RPP25L: variants seen among roughly 807,000 people sequenced by gnomAD.
The protein encoded by RPP25L is ribonuclease P protein subunit p25-like protein.
A neutral mutation model predicts 10.1 loss-of-function variants in RPP25L; 5 were observed. That is an observed-to-expected ratio of 0.50 (90% CI 0.26 to 1.04). The LOEUF (loss-of-function observed/expected upper bound fraction) is 1.04, where lower values mean the gene tolerates loss of function less well. Among genes scored for constraint, RPP25L ranks in the 50% least tolerant of loss-of-function variants. RPP25L has a pLI of 0.14. For missense variants in RPP25L, 192 were observed against 217.3 expected (o/e 0.88, Z 0.73); for synonymous variants, 96 against 88.6 (o/e 1.08, Z -0.47).
rs775657215 is a variant in RPP25L at position 34,610,809 on chromosome 9, G to A, written c.488C>T (p.Ser163Leu). 1 of 1,525,002 alleles carries A rather than the reference G, an allele frequency of 6.6e-7. No homozygotes were observed. The highest frequency in any genetic ancestry group is 8.8e-7 in the Non-Finnish European group (1 of 1,136,198). The allele number at this position is 1,525,002 out of a possible 1,614,324, so 94.5% of individuals were successfully genotyped here. A position where few individuals can be genotyped will look rare whatever the true frequency, so the allele number is the denominator to read the frequency against. The change falls in exon 2 of 2, where the codon TCG becomes TTG. Residue 163 changes from serine (S) to leucine (L), a missense_variant. Coordinates refer to ENST00000378959, the MANE Select transcript of RPP25L (RefSeq NM_148178.3). ...ACAGGCTGGCTCAGCAGGTCTTCAC[G>A]ATCGGGTGTCTCGAGCCCTTCTTCG... ...RSRRRARDTR[S>L]
rs1820302903 is a variant in RPP25L at position 34,611,586 on chromosome 9, G to A, written c.-36-254C>T. Among the ~76,000 whole-genome samples, 1 of 152,132 alleles carries A rather than the reference G, an allele frequency of 6.6e-6. No individual in the cohort carries two copies. Among genetic ancestry groups the A allele is most frequent in the East Asian group, 1.9e-4 (1 of 5,194 alleles). ...TCCAATCCTGGAGTCCAAGAGGCAG[G>A]ATCACATTCCCCAAACACTGAGCTC... On this transcript the variant is annotated intron_variant, in intron 1 of 1. Coordinates refer to ENST00000378959, the MANE Select transcript of RPP25L (RefSeq NM_148178.3). The surrounding 1 kb of genome is among the most constrained non-coding windows in gnomAD (Gnocchi z 4.4).
In RPP25L at chr9:34,611,370, C is replaced by T. The variant is rs1564085018; in HGVS notation, c.-36-38G>A. ...ATCAGGTAAGTGCTAAGCAATGTGCCCCAAGTCACTGTCCACCATCCCCTA... is the reference window on the plus strand; with the variant it reads ...ATCAGGTAAGTGCTAAGCAATGTGCTCCAAGTCACTGTCCACCATCCCCTA... On this transcript the variant is annotated intron_variant, in intron 1 of 1. Coordinates refer to ENST00000378959, the MANE Select transcript of RPP25L (RefSeq NM_148178.3). The surrounding 1 kb of genome is among the most constrained non-coding windows in gnomAD (Gnocchi z 4.4). The T allele has an allele frequency of 6.7e-7, 1 of 1,502,848 alleles. No homozygotes were observed. The highest frequency in any genetic ancestry group is 9.0e-7 in the Non-Finnish European group (1 of 1,108,890). 93.1% of individuals were successfully genotyped at this position (1,502,848 alleles called of 1,614,324 possible). A position where few individuals can be genotyped will look rare whatever the true frequency, so the allele number is the denominator to read the frequency against.
chr9:34,611,097 G>T lies in RPP25L; in HGVS notation c.200C>A (p.Ala67Asp). The T allele has an allele frequency of 6.2e-7, 1 of 1,614,122 alleles. No homozygotes were observed. The highest frequency in any genetic ancestry group is 1.1e-5 in the South Asian group (1 of 91,090). The change falls in exon 2 of 2, where the codon GCT becomes GAT. Residue 67 changes from alanine to aspartate, a missense_variant. Transcript: ENST00000378959. The surrounding 1 kb of genome is among the most constrained non-coding windows in gnomAD (Gnocchi z 4.4). Reference sequence around the variant, plus strand: ...CTTGACAATCTCAGCGCAGCTGACAGCCTTTCCTGCAGCCCTGCCAGAACC... The same window carrying T: ...CTTGACAATCTCAGCGCAGCTGACATCCTTTCCTGCAGCCCTGCCAGAACC... Reference protein sequence around the residue: ...FSGSGRAAGKAVSCAEIVKRR... With the variant: ...FSGSGRAAGKDVSCAEIVKRR...
Position 34,610,576 on chromosome 9 carries a change from G to A in RPP25L, c.*229C>T. 2.0e-6 allele frequency: 1 copy of A among 498,750 alleles called. No individual in the cohort carries two copies. Among genetic ancestry groups the A allele is most frequent in the Non-Finnish European group, 3.5e-6 (1 of 285,268 alleles). 30.9% of individuals were successfully genotyped at this position (498,750 alleles called of 1,614,324 possible). On this transcript the variant is annotated 3_prime_UTR_variant, in exon 2 of 2. Coordinates refer to ENST00000378959, the MANE Select transcript of RPP25L (RefSeq NM_148178.3). ...AGTTCAAATGCACTGTAGGTAGAAG[G>A]CAGAGGAAGCCCTTATTTAGCAATG...
chr9:34,611,374 A>T lies in RPP25L; in HGVS notation c.-36-42T>A. The T allele has an allele frequency of 6.7e-7, 1 of 1,481,750 alleles. No individual in the cohort carries two copies. The highest frequency in any genetic ancestry group is 1.4e-5 in the African/African-American group (1 of 72,420). 91.8% of individuals were successfully genotyped at this position (1,481,750 alleles called of 1,614,324 possible). Reference sequence around the variant, plus strand: ...GGTAAGTGCTAAGCAATGTGCCCCAAGTCACTGTCCACCATCCCCTATCTC... The same window carrying T: ...GGTAAGTGCTAAGCAATGTGCCCCATGTCACTGTCCACCATCCCCTATCTC... On this transcript the variant is annotated intron_variant, in intron 1 of 1. Coordinates refer to ENST00000378959, the MANE Select transcript of RPP25L (RefSeq NM_148178.3). The surrounding 1 kb of genome is among the most constrained non-coding windows in gnomAD (Gnocchi z 4.4).
At position 34,610,964 on chromosome 9, in the gene RPP25L, G is replaced by A. The variant is rs1164310004; in HGVS notation, c.333C>T (p.Arg111=). 2.5e-6 allele frequency: 4 copies of A among 1,613,920 alleles called. No individual in the cohort carries two copies. The highest frequency in any genetic ancestry group is 2.5e-6 in the Non-Finnish European group (3 of 1,179,998). The change falls in exon 2 of 2, where the codon CGC becomes CGT. Residue 111 remains arginine, a synonymous_variant. Transcript: ENST00000378959. ...PDTGLDPLTV[R]RHVPAVWVLL... ...GCACCCACACTGCAGGCACATGGCG[G>A]CGCACTGTGAGGGGGTCTAGCCCTG...
Position 34,611,463 on chromosome 9 carries a change from C to G in RPP25L, c.-36-131G>C. ...CAGAAACAGGATCATGTCCCCTTGT[C>G]CTTAGCATCTCGTGACAAGGTCCAT... is the stretch of plus-strand genomic sequence containing the variant. On this transcript the variant is annotated intron_variant, in intron 1 of 1. Transcript: ENST00000378959. The surrounding 1 kb of genome is among the most constrained non-coding windows in gnomAD (Gnocchi z 4.4). 1.4e-6 allele frequency: 1 copy of G among 723,824 alleles called. No homozygotes were observed. Among genetic ancestry groups the G allele is most frequent in the Non-Finnish European group, 2.2e-6 (1 of 446,376 alleles). 44.8% of individuals were successfully genotyped at this position (723,824 alleles called of 1,614,324 possible). A position where few individuals can be genotyped will look rare whatever the true frequency, so the allele number is the denominator to read the frequency against.
In RPP25L at chr9:34,611,260, G is replaced by A. The variant is rs1820298063; in HGVS notation, c.37C>T (p.Pro13Ser). The change falls in exon 2 of 2, where the codon CCA (proline) becomes TCA (serine). Residue 13 changes from proline (P) to serine (S), a missense_variant. Physicochemically the swap from Pro to Ser is moderately conservative, Grantham distance 74. Transcript: ENST00000378959. The surrounding 1 kb of genome is among the most constrained non-coding windows in gnomAD (Gnocchi z 4.4). ...HYRKAGSVEL[P>S]APSPMPQLPP... ...AGCTGGGGCATTGGGGAAGGCGCTGGGAGCTCTACAGAGCCAGCTTTCCGG... is the reference window on the plus strand; with the variant it reads ...AGCTGGGGCATTGGGGAAGGCGCTGAGAGCTCTACAGAGCCAGCTTTCCGG... 12 of 1,613,602 alleles carry A rather than the reference G, an allele frequency of 7.4e-6. No individual in the cohort carries two copies. The highest frequency in any genetic ancestry group is 1.0e-5 in the Non-Finnish European group (12 of 1,179,970).
In RPP25L at chr9:34,610,919, C is replaced by G; in HGVS notation, c.378G>C (p.Leu126=). The G allele has an allele frequency of 6.2e-7, 1 of 1,611,922 alleles. No individual in the cohort carries two copies. The part of the protein sequence containing the change: ...AVWVLLSRDP[L]DPNECGYQPP... ...GTTGGTAACCACACTCATTGGGGTC[C>G]AGGGGGTCCCGGCTGAGCAGCACCC... The change falls in exon 2 of 2, where the codon CTG becomes CTC. Residue 126 remains leucine, a synonymous_variant. Transcript: ENST00000378959.
Position 34,611,368 on chromosome 9 carries a change from G to GC in RPP25L, c.-36-37dup. 6.6e-7 allele frequency: 1 copy of GC among 1,511,098 alleles called. No homozygotes were observed. The highest frequency in any genetic ancestry group is 9.0e-7 in the Non-Finnish European group (1 of 1,115,254). 93.6% of individuals were successfully genotyped at this position (1,511,098 alleles called of 1,614,324 possible). On this transcript the variant is annotated intron_variant, in intron 1 of 1. Transcript: ENST00000378959. The surrounding 1 kb of genome is among the most constrained non-coding windows in gnomAD (Gnocchi z 4.4). ...GCATCAGGTAAGTGCTAAGCAATGT[G>GC]CCCCAAGTCACTGTCCACCATCCCC...
At position 34,610,739 on chromosome 9, in the gene RPP25L, C is replaced by T. The variant is rs191886856; in HGVS notation, c.*66G>A. The T allele has an allele frequency of 1.9e-3, 2,852 of 1,495,308 alleles. 51 individuals are homozygous for T. In the South Asian group the frequency reaches 0.024, roughly 13 times the overall value. The allele number at this position is 1,495,308 out of a possible 1,614,324, so 92.6% of individuals were successfully genotyped here. A position where few individuals can be genotyped will look rare whatever the true frequency, so the allele number is the denominator to read the frequency against. On this transcript the variant is annotated 3_prime_UTR_variant, in exon 2 of 2. Coordinates refer to ENST00000378959, the MANE Select transcript of RPP25L (RefSeq NM_148178.3). ...ATGGGGATGTTGAGCAGTCACAACGCTTCTCAGAAAAGGCACAAGCACCCC... is the reference window on the plus strand; with the variant it reads ...ATGGGGATGTTGAGCAGTCACAACGTTTCTCAGAAAAGGCACAAGCACCCC...
rs1820300849 is a variant in RPP25L at position 34,611,421 on chromosome 9, C to T, written c.-36-89G>A. The T allele has an allele frequency of 9.4e-7, 1 of 1,060,012 alleles. No individual in the cohort carries two copies. The highest frequency in any genetic ancestry group is 2.1e-4 in the Middle Eastern group (1 of 4,742). 65.7% of individuals were successfully genotyped at this position (1,060,012 alleles called of 1,614,324 possible). A position where few individuals can be genotyped will look rare whatever the true frequency, so the allele number is the denominator to read the frequency against. On this transcript the variant is annotated intron_variant, in intron 1 of 1. Transcript: ENST00000378959. The surrounding 1 kb of genome is among the most constrained non-coding windows in gnomAD (Gnocchi z 4.4). ...TCTCCATCCAGGATATGGCCCTGCT[C>T]CCCGTTCCAGACTTCCCAGAAACAG...
Position 34,611,453 on chromosome 9 carries a change from G to T in RPP25L, c.-36-121C>A. On this transcript the variant is annotated intron_variant, in intron 1 of 1. Coordinates refer to ENST00000378959, the MANE Select transcript of RPP25L (RefSeq NM_148178.3). This position sits in a 1 kb window ranked among gnomAD's most constrained non-coding sequence, Gnocchi z 4.4. The stretch of plus-strand genomic sequence containing the variant: ...CCAGACTTCCCAGAAACAGGATCAT[G>T]TCCCCTTGTCCTTAGCATCTCGTGA... The T allele has an allele frequency of 1.3e-6, 1 of 759,684 alleles. No homozygotes were observed. The highest frequency in any genetic ancestry group is 2.1e-6 in the Non-Finnish European group (1 of 478,188). 47.1% of individuals were successfully genotyped at this position (759,684 alleles called of 1,614,324 possible). A position where few individuals can be genotyped will look rare whatever the true frequency, so the allele number is the denominator to read the frequency against.
At position 34,611,720 on chromosome 9, in the gene RPP25L, T is replaced by C; in HGVS notation, c.-37+344A>G. 5.3e-6 allele frequency: 1 copy of C among 187,630 alleles called. No individual in the cohort carries two copies. The allele number at this position is 187,630 out of a possible 1,614,324, so 11.6% of individuals were successfully genotyped here. ...GCCTGGAACCCTCACCCCAGACTAA[T>C]ACCAATAGAGAGCGCTCCTCACTTG... is the stretch of plus-strand genomic sequence containing the variant. On this transcript the variant is annotated intron_variant, in intron 1 of 1. Transcript: ENST00000378959. This position sits in a 1 kb window ranked among gnomAD's most constrained non-coding sequence, Gnocchi z 4.4.
chr9:34,611,010 C>T lies in RPP25L; in HGVS notation c.287G>A (p.Trp96Ter). 2.5e-6 allele frequency: 4 copies of T among 1,613,974 alleles called. No homozygotes were observed. Among genetic ancestry groups the T allele is most frequent in the Non-Finnish European group, 2.5e-6 (3 of 1,180,012 alleles). ...KLRFLQTEDSWVPASPDTGLD... is the reference protein window; with the variant it reads ...KLRFLQTEDS ...CCCTGTGTCAGGTGAGGCTGGGACCCAGCTGTCCTCAGTCTGAAGGAAACG... is the reference window on the plus strand; with the variant it reads ...CCCTGTGTCAGGTGAGGCTGGGACCTAGCTGTCCTCAGTCTGAAGGAAACG... Residue 96 changes from tryptophan to a stop codon, truncating the protein, a stop_gained, in exon 2 of 2, where the codon TGG becomes TAG. Transcript: ENST00000378959. LOFTEE classifies it high-confidence loss of function. The surrounding 1 kb of genome is among the most constrained non-coding windows in gnomAD (Gnocchi z 4.4).
In RPP25L at chr9:34,611,065, C is replaced by G; in HGVS notation, c.232G>C (p.Val78Leu). 6.2e-7 allele frequency: 1 copy of G among 1,614,066 alleles called. No individual in the cohort carries two copies. The highest frequency in any genetic ancestry group is 2.2e-5 in the East Asian group (1 of 44,880). ...VSCAEIVKRRVPGLHQLTKLR... is the reference protein window; with the variant it reads ...VSCAEIVKRRLPGLHQLTKLR... ...TTGGTGAGCTGGTGCAGGCCTGGGA[C>G]CCGCCGCTTGACAATCTCAGCGCAG... The change falls in exon 2 of 2, where the codon GTC (valine) becomes CTC (leucine). Residue 78 changes from valine (V) to leucine (L), a missense_variant. Val to Leu is a conservative substitution (Grantham distance 32, BLOSUM62 1). Transcript: ENST00000378959. This position sits in a 1 kb window ranked among gnomAD's most constrained non-coding sequence, Gnocchi z 4.4.
chr9:34,611,013 C>T lies in RPP25L; in HGVS notation c.284G>A (p.Ser95Asn). Residue 95 changes from serine to asparagine, a missense_variant, in exon 2 of 2, where the codon AGC becomes AAC. By Grantham distance (46) the Ser-to-Asn change is conservative (BLOSUM62 1). Coordinates refer to ENST00000378959, the MANE Select transcript of RPP25L (RefSeq NM_148178.3). The surrounding 1 kb of genome is among the most constrained non-coding windows in gnomAD (Gnocchi z 4.4). ...TGTGTCAGGTGAGGCTGGGACCCAG[C>T]TGTCCTCAGTCTGAAGGAAACGTAG... is the stretch of plus-strand genomic sequence containing the variant. The part of the protein sequence containing the change: ...TKLRFLQTED[S>N]WVPASPDTGL... 6 of 1,614,030 alleles carry T rather than the reference C, an allele frequency of 3.7e-6. No homozygotes were observed. Among genetic ancestry groups the T allele is most frequent in the Non-Finnish European group, 5.1e-6 (6 of 1,180,022 alleles).
In RPP25L at chr9:34,611,924, C is replaced by CT. The variant is rs1485950498; in HGVS notation, c.-37+139dup. The CT allele has an allele frequency of 1.3e-5, 2 of 153,264 alleles. No individual in the cohort carries two copies. Among genetic ancestry groups the CT allele is most frequent in the Non-Finnish European group, 2.9e-5 (2 of 68,786 alleles). The allele number at this position is 153,264 out of a possible 1,614,324, so 9.5% of individuals were successfully genotyped here. ...GGGGGCAGAGGCTCGACTCGGAGGG[C>CT]TGCTCAGGACATTCCAAGACAGCCT... On this transcript the variant is annotated intron_variant, in intron 1 of 1. Transcript: ENST00000378959. The surrounding 1 kb of genome is among the most constrained non-coding windows in gnomAD (Gnocchi z 4.4).
At position 34,611,785 on chromosome 9, in the gene RPP25L, C is replaced by T. The variant is rs912349725; in HGVS notation, c.-37+279G>A. On this transcript the variant is annotated intron_variant, in intron 1 of 1. Transcript: ENST00000378959. This position sits in a 1 kb window ranked among gnomAD's most constrained non-coding sequence, Gnocchi z 4.4. ...CAGGGACAAGGCCCTTCGCCCCAGG[C>T]CCCCCGGGAAACAGCCAAGAACCCT... 1.2e-5 allele frequency: 2 copies of T among 163,352 alleles called. No homozygotes were observed. The highest frequency in any genetic ancestry group is 1.1e-4 in the Admixed American group (2 of 17,536). 10.1% of individuals were successfully genotyped at this position (163,352 alleles called of 1,614,324 possible).
Sources: gnomAD v4.1 joint callset for allele counts (sites outside exome capture counted in the v4.1 genomes callset) on GRCh38, gnomAD v4.1.1 for gene constraint, Gnocchi (gnomAD v3.1) non-coding constraint, MANE v1.5 for transcripts, NCBI Gene and HGNC (gene_info 2026-07-23, HGNC 2026-07-21) for gene names.